The following KIAA0319L variants were observed in gnomAD, a reference collection of about 807,000 sequenced individuals.
KIAA0319L encodes KIAA0319 like.
In KIAA0319L, 55 loss-of-function variants were observed where a neutral mutation model predicts 120.1. That is an observed-to-expected ratio of 0.46 (90% CI 0.37 to 0.57). KIAA0319L has a LOEUF of 0.57. Among genes scored for constraint, KIAA0319L ranks in the 20% least tolerant of loss-of-function variants. The probability of loss-of-function intolerance (pLI) is 0.00; values close to 1 mark genes in which losing one functional copy is unlikely to be tolerated. For missense variants in KIAA0319L, 1,049 were observed against 1,255.3 expected (o/e 0.84, Z 2.48); for synonymous variants, 398 against 471.9 (o/e 0.84, Z 2.03).
chr1:35,501,170 GAAGA>G, intron 3 of KIAA0319L, among the ~76,000 whole-genome samples: 1 of 152,084 alleles, frequency 6.6e-6, no homozygotes, highest in East Asian at 1.9e-4. Flanking sequence ...TGGTAAACTA[GAAGA>G]AAGAATTCTC....
At chr1:35,448,540 G>A (rs903928112) in intron 15 of KIAA0319L, among the ~76,000 whole-genome samples, 1 of 152,172 alleles carries the variant, frequency 6.6e-6, no homozygotes, top group African/African-American at 2.4e-5. Context: ...ATACCAACCT[G>A]AGAATTCCCA....
chr1:35,460,543 A>G, intron 8 of KIAA0319L, 106 bp from the exon 9 acceptor site: 1 of 1,004,732 alleles, frequency 1.0e-6, no homozygotes, highest in Non-Finnish European at 1.5e-6. Context: ...AGCTAGGAAA[A>G]CTTCATGAAA....
intron 7 of KIAA0319L, among the ~76,000 whole-genome samples, chr1:35,463,259 C>T (rs1463977038): frequency 1.3e-5 from 2 of 152,178 alleles, no homozygotes; most frequent in Non-Finnish European, 2.9e-5. Flanking sequence ...GTATAAAAGC[C>T]TCTTCCAAAT....
At chr1:35,470,821 C>G in intron 6 of KIAA0319L, 42 bp downstream of exon 6, 1 of 1,183,350 alleles carries the variant, frequency 8.5e-7, no homozygotes, top group Non-Finnish European at 1.3e-6. Context: ...AAACAGTCAA[C>G]TCCTCTACCT....
chr1:35,543,578 A>G (rs1571019744), intron 2 of KIAA0319L, among the ~76,000 whole-genome samples: 1 of 152,232 alleles, frequency 6.6e-6, no homozygotes, highest in East Asian at 1.9e-4. Flanking sequence ...AAGGAAAAAG[A>G]CACCACTGGC....
chr1:35,480,191 T>G (rs940218484), intron 3 of KIAA0319L, among the ~76,000 whole-genome samples: 11 of 152,156 alleles, frequency 7.2e-5, no homozygotes, highest in African/African-American at 2.2e-4. Context: ...TATTGGGAAC[T>G]GACAGCCATA....
At chr1:35,479,722 T>C (rs1644064521) in intron 3 of KIAA0319L, among the ~76,000 whole-genome samples, 1 of 151,922 alleles carries the variant, frequency 6.6e-6, no homozygotes, top group Non-Finnish European at 1.5e-5. Context: ...CTTGACAATA[T>C]GGCGAGACCC....
chr1:35,466,596 C>T lies in KIAA0319L; in HGVS notation c.1201+12G>A, dbSNP rs755101042. On this transcript the variant is annotated intron_variant, in intron 7 of 20. Coordinates refer to ENST00000325722, the MANE Select transcript of KIAA0319L (RefSeq NM_024874.5). ...GGGAGGAAGGGAGACACAGCCAGGG[C>T]TGAAAACATACCTGGCTTGACTGTC... 1.3e-6 allele frequency: 2 copies of T among 1,592,480 alleles called. No homozygotes were observed. The highest frequency in any genetic ancestry group is 3.3e-5 in the Admixed American group (2 of 59,964).
intron 3 of KIAA0319L, among the ~76,000 whole-genome samples, chr1:35,488,974 G>A (rs184142795): frequency 1.8e-4 from 27 of 152,238 alleles, no homozygotes; most frequent in Admixed American, 1.8e-3. Context: ...ACAAACGAAT[G>A]GTAGCTAAAG....
chr1:35,526,508 C>A (rs1018936814), intron 2 of KIAA0319L, among the ~76,000 whole-genome samples: 2 of 149,242 alleles, frequency 1.3e-5, no homozygotes, highest in African/African-American at 4.9e-5. Context: ...TGTAGTGGTC[C>A]AATCTTAGCT....
chr1:35,531,975 G>T (rs2148470300), intron 2 of KIAA0319L, among the ~76,000 whole-genome samples: 2 of 152,242 alleles, frequency 1.3e-5, no homozygotes, highest in Middle Eastern at 6.8e-3. Context: ...AAGAGGAAGA[G>T]GTAGGCCTGG....
rs929382100 is a variant in KIAA0319L at position 35,437,561 on chromosome 1, A to C, written c.2963-2480T>G. 1.3e-5 allele frequency among the ~76,000 whole-genome samples: 2 copies of C among 151,964 alleles called. No individual in the cohort carries two copies. The highest frequency in any genetic ancestry group is 2.4e-5 in the African/African-American group (1 of 41,370). ...CGCTTTCTAAATCACCTGCGCTTTC[A>C]CTTCCACTGTCACTCCCCACTCTAC... is the stretch of plus-strand genomic sequence containing the variant. On this transcript the variant is annotated intron_variant, in intron 20 of 20. Transcript: ENST00000325722. This position sits in a 1 kb window ranked among gnomAD's most constrained non-coding sequence, Gnocchi z 4.1.
chr1:35,551,974 T>C (rs1485320868), intron 2 of KIAA0319L, among the ~76,000 whole-genome samples: 1 of 151,988 alleles, frequency 6.6e-6, no homozygotes, highest in African/African-American at 2.4e-5. Context: ...CAGAAAGACT[T>C]GGAATTGCTT....
At chr1:35,449,299 T>A (rs554647880) in intron 15 of KIAA0319L, among the ~76,000 whole-genome samples, 3 of 152,328 alleles carry the variant, frequency 2.0e-5, no homozygotes, top group South Asian at 2.1e-4. Flanking sequence ...TGCCTCCCTA[T>A]CACCATATTA....
At chr1:35,458,845 G>C (rs1301315981) in intron 9 of KIAA0319L, among the ~76,000 whole-genome samples, 8 of 152,140 alleles carry the variant, frequency 5.3e-5, no homozygotes, top group Admixed American at 3.3e-4. Context: ...GAAATCTAAG[G>C]TGAAAACCAG....
chr1:35,501,878 CAAA>C (rs570439518), intron 3 of KIAA0319L, among the ~76,000 whole-genome samples: 3 of 94,252 alleles, frequency 3.2e-5, no homozygotes, highest in Admixed American at 1.1e-4. Flanking sequence ...AATTCCATCT[CAAA>C]AAAAAAAAAA....
Position 35,462,750 on chromosome 1 carries a change from G to C in KIAA0319L, c.1202-37C>G, listed in dbSNP as rs762539380. Reference sequence around the variant, plus strand: ...TGACCCAAAAGAAATTGGGAAAGAGGCTTCAGAAATTACAGGAGCAGGCTG... The same window carrying C: ...TGACCCAAAAGAAATTGGGAAAGAGCCTTCAGAAATTACAGGAGCAGGCTG... On this transcript the variant is annotated intron_variant, in intron 7 of 20. Transcript: ENST00000325722. The C allele has an allele frequency of 3.1e-5, 46 of 1,503,608 alleles. No individual in the cohort carries two copies. The Admixed American group carries it at 3.8e-4, about 13-fold the overall frequency. The allele number at this position is 1,503,608 out of a possible 1,614,324, so 93.1% of individuals were successfully genotyped here.
chr1:35,433,510 T>G lies in KIAA0319L; in HGVS notation c.*1384A>C, dbSNP rs1640565979. On this transcript the variant is annotated 3_prime_UTR_variant, in exon 21 of 21. Coordinates refer to ENST00000325722, the MANE Select transcript of KIAA0319L (RefSeq NM_024874.5). ...CAGAGTGCACAGTTAAATACCATGT[T>G]TAATCATCCCACAATGGACAGTAGT... is the stretch of plus-strand genomic sequence containing the variant. The G allele has an allele frequency of 6.6e-6, 1 of 152,258 alleles. No homozygotes were observed. Among genetic ancestry groups the G allele is most frequent in the Admixed American group, 6.5e-5 (1 of 15,284 alleles). The allele number at this position is 152,258 out of a possible 1,614,324, so 9.4% of individuals were successfully genotyped here. A position where few individuals can be genotyped will look rare whatever the true frequency, so the allele number is the denominator to read the frequency against.
At chr1:35,457,079 T>C (rs1642523814) in intron 9 of KIAA0319L, among the ~76,000 whole-genome samples, 1 of 152,062 alleles carries the variant, frequency 6.6e-6, no homozygotes, top group African/African-American at 2.4e-5. Context: ...TGTCCTGAGG[T>C]CTCTATAAGA....
Sources: allele counts gnomAD v4.1 joint callset (sites outside exome capture counted in the v4.1 genomes callset), GRCh38; gene constraint gnomAD v4.1.1; non-coding constraint Gnocchi (gnomAD v3.1); transcripts MANE v1.5; gene names NCBI Gene and HGNC (gene_info 2026-07-23, HGNC 2026-07-21).